SPMIP7: variants seen among roughly 807,000 people sequenced by gnomAD.
The protein encoded by SPMIP7 is sperm microtubule inner protein 7.
the SPMIP7 span, among the ~76,000 whole-genome samples, chr7:50,101,043 T>A: frequency 1.3e-5 from 2 of 152,194 alleles, no homozygotes; most frequent in Non-Finnish European, 1.5e-5. Context: ...TTTTTAAATT[T>A]ATGAAGAAGT....
the SPMIP7 span, among the ~76,000 whole-genome samples, chr7:50,145,659 T>TAC: frequency 9.8e-5 from 11 of 111,970 alleles, no homozygotes; most frequent in East Asian, 4.9e-4. Context: ...TATATATATA[T>TAC]ACATCTTACA....
chr7:50,145,448 T>G, the SPMIP7 span, among the ~76,000 whole-genome samples: 6 of 149,804 alleles, frequency 4.0e-5, no homozygotes, highest in African/African-American at 4.9e-5. Flanking sequence ...ACAAGGAACA[T>G]AAAAATTGAA....
chr7:50,096,315 A>G, the SPMIP7 span: 72 of 1,551,956 alleles, frequency 4.6e-5, no homozygotes, highest in Non-Finnish European at 5.5e-5. Flanking sequence ...GTTTTGCCAG[A>G]CTATCATTTA....
At chr7:50,147,890 CTT>C in the SPMIP7 span, among the ~76,000 whole-genome samples, 1 of 152,152 alleles carries the variant, frequency 6.6e-6, no homozygotes, top group Non-Finnish European at 1.5e-5. Context: ...AAAATGAAGA[CTT>C]CTTATTTTTA....
the SPMIP7 span, among the ~76,000 whole-genome samples, chr7:50,143,927 T>C: frequency 2.6e-5 from 4 of 152,348 alleles, no homozygotes; most frequent in African/African-American, 4.8e-5. Context: ...ATAGCTTCTA[T>C]TTGTGTAGAT....
the SPMIP7 span, among the ~76,000 whole-genome samples, chr7:50,123,724 A>G: frequency 2.0e-5 from 3 of 152,078 alleles, no homozygotes; most frequent in Non-Finnish European, 2.9e-5. Context: ...AAAGAAGTAT[A>G]GTTAAAGAGT....
the SPMIP7 span, among the ~76,000 whole-genome samples, chr7:50,131,274 C>T: frequency 2.5e-4 from 38 of 152,224 alleles, no homozygotes; most frequent in South Asian, 7.2e-3. Flanking sequence ...GGAGAAAAGA[C>T]GACTCAAAAA....
At chr7:50,122,934 T>G in the SPMIP7 span, among the ~76,000 whole-genome samples, 2 of 150,260 alleles carry the variant, frequency 1.3e-5, no homozygotes, top group Non-Finnish European at 3.0e-5. Context: ...CTGGAGAGGA[T>G]GTGGAGAAAT....
At chr7:50,145,614 G>GTCTATATA in the SPMIP7 span, among the ~76,000 whole-genome samples, 1 of 39,056 alleles carries the variant, frequency 2.6e-5, no homozygotes, top group Non-Finnish European at 5.8e-5. Context: ...GTGTATATGT[G>GTCTATATA]TGTGTATATA....
the SPMIP7 span, among the ~76,000 whole-genome samples, chr7:50,119,942 G>C: frequency 5.3e-5 from 8 of 152,188 alleles, no homozygotes. Context: ...CGCTGAACCT[G>C]GCTCACGCGC....
At chr7:50,126,378 T>A in the SPMIP7 span, among the ~76,000 whole-genome samples, 1 of 142,016 alleles carries the variant, frequency 7.0e-6, no homozygotes, top group Non-Finnish European at 1.5e-5. Flanking sequence ...CATATATATC[T>A]GTTTTTTTTT....
the SPMIP7 span, among the ~76,000 whole-genome samples, chr7:50,114,772 G>C: frequency 6.6e-6 from 1 of 152,166 alleles, no homozygotes; most frequent in East Asian, 1.9e-4. Context: ...GCTCACGCCT[G>C]TAATTCCAGC....
chr7:50,156,308 A>ATAG, the SPMIP7 span, among the ~76,000 whole-genome samples: 4,581 of 152,204 alleles, frequency 0.03, 226 homozygotes, highest in African/African-American at 0.1. Context: ...GATGAGTGTC[A>ATAG]TGAGAACATA....
the SPMIP7 span, among the ~76,000 whole-genome samples, chr7:50,107,393 AAAGAAAAAG>A: frequency 1.8e-5 from 1 of 55,904 alleles, no homozygotes; most frequent in Non-Finnish European, 3.7e-5. Context: ...AAAGAAAAGA[AAAGAAAAAG>A]AAAAAAAAAA....
the SPMIP7 span, among the ~76,000 whole-genome samples, chr7:50,125,181 T>C: frequency 8.6e-5 from 4 of 46,506 alleles, no homozygotes; most frequent in Admixed American, 2.8e-4. Flanking sequence ...CACATATATA[T>C]ACACATATAT....
the SPMIP7 span, among the ~76,000 whole-genome samples, chr7:50,132,131 A>AC: frequency 1.3e-5 from 2 of 152,136 alleles, no homozygotes; most frequent in Non-Finnish European, 2.9e-5. Flanking sequence ...TATTAGAACA[A>AC]CATGAGGAAA....
the SPMIP7 span, among the ~76,000 whole-genome samples, chr7:50,150,104 A>T: frequency 1.6e-4 from 24 of 152,144 alleles, no homozygotes; most frequent in Admixed American, 3.3e-4. Flanking sequence ...ATAAGCTCCA[A>T]ATTTTGAAAA....
the SPMIP7 span, chr7:50,139,996 CTG>C: frequency 8.6e-6 from 5 of 580,494 alleles, no homozygotes; most frequent in Non-Finnish European, 1.5e-5. Flanking sequence ...TAAATAGTCT[CTG>C]TTTAAAATCA....
chr7:50,118,685 C>T, the SPMIP7 span, among the ~76,000 whole-genome samples: 571 of 152,312 alleles, frequency 3.7e-3, 9 homozygotes, highest in Non-Finnish European at 2.1e-3. Context: ...TAAGCTTATG[C>T]ACCCAATGGC....
Sources: gnomAD v4.1 joint callset for allele counts (sites outside exome capture counted in the v4.1 genomes callset) on GRCh38, gnomAD v4.1.1 for gene constraint, MANE v1.5 for transcripts, NCBI Gene and HGNC (gene_info 2026-07-23, HGNC 2026-07-21) for gene names.